The following ATP2C1 variants were observed in gnomAD, a reference collection of about 807,000 sequenced individuals.
ATP2C1 encodes the protein ATPase secretory pathway Ca2+ transporting 1, also known as calcium-transporting ATPase type 2C member 1.
Under a neutral mutation model 120.5 loss-of-function variants are expected in ATP2C1, and 31 were observed. The ratio of observed to expected loss-of-function variants is 0.26; its 90% CI spans 0.19 to 0.35. The LOEUF is 0.35. Ranked by LOEUF, ATP2C1 falls within the 10% of genes least tolerant of loss-of-function variation. ATP2C1 has a pLI of 1.00. For synonymous variants in ATP2C1, 351 were observed against 358.7 expected, an observed-to-expected ratio of 0.98 and a Z score of 0.24; for missense variants, 731 against 1,107.5, an observed-to-expected ratio of 0.66 and a Z score of 4.83.
intron 17 of ATP2C1, among the ~76,000 whole-genome samples, chr3:130,971,181 G>A (rs895997749): frequency 1.3e-5 from 2 of 152,042 alleles, no homozygotes; most frequent in Non-Finnish European, 2.9e-5. Flanking sequence ...ACCATCACAC[G>A]GTACCTCAAG....
chr3:130,857,901 G>A (rs188241307), intron 1 of ATP2C1, among the ~76,000 whole-genome samples: 17 of 152,286 alleles, frequency 1.1e-4, no homozygotes, highest in African/African-American at 3.1e-4. Context: ...GTCAGTCTGA[G>A]TCTCAAAACC....
At chr3:130,923,249 C>CA (rs987847948) in intron 2 of ATP2C1, among the ~76,000 whole-genome samples, 2 of 150,928 alleles carry the variant, frequency 1.3e-5, no homozygotes, top group Non-Finnish European at 3.0e-5. Flanking sequence ...TTGTTGGAGA[C>CA]AGAGTCTTGC....
At chr3:130,865,723 T>C (rs2068153760) in intron 1 of ATP2C1, among the ~76,000 whole-genome samples, 1 of 152,218 alleles carries the variant, frequency 6.6e-6, no homozygotes, top group Non-Finnish European at 1.5e-5. Flanking sequence ...TGCCACCATG[T>C]AAGAAGTGCC....
At chr3:130,956,914 TA>T (rs1195252196) in intron 11 of ATP2C1, among the ~76,000 whole-genome samples, 2 of 152,234 alleles carry the variant, frequency 1.3e-5, no homozygotes, top group Non-Finnish European at 2.9e-5. Context: ...CTTAGATTGA[TA>T]AAAGCTTTTT....
chr3:130,941,264 GTC>G (rs1257481040), intron 7 of ATP2C1, among the ~76,000 whole-genome samples: 108 of 143,856 alleles, frequency 7.5e-4, no homozygotes, highest in African/African-American at 2.0e-3. Context: ...GTGTGTGTGT[GTC>G]TGTGTGTGTG....
chr3:130,923,229 C>CT (rs954421675), intron 2 of ATP2C1, among the ~76,000 whole-genome samples: 44 of 144,998 alleles, frequency 3.0e-4, no homozygotes, highest in East Asian at 6.0e-4. Flanking sequence ...CTTTGTCTTT[C>CT]TTTTTTTTTT....
chr3:130,979,449 G>C lies in ATP2C1; in HGVS notation c.1741+30G>C, dbSNP rs371382509. The C allele has an allele frequency of 2.1e-5, 34 of 1,608,806 alleles. No homozygotes were observed. The South Asian group carries it at 3.3e-4, about 16-fold the overall frequency. On this transcript the variant is annotated intron_variant, in intron 19 of 27. Transcript: ENST00000510168. ...AACTAGACTGCTTTCTTTTGTTTTC[G>C]ATAGTTTTTCTTAAAATACTGTGGT... is the stretch of plus-strand genomic sequence containing the variant.
downstream of ATP2C1, among the ~76,000 whole-genome samples, chr3:131,003,445 T>C (rs2062983968): frequency 6.6e-6 from 1 of 152,350 alleles, no homozygotes; most frequent in African/African-American, 2.4e-5. Context: ...TGTTTTTCCC[T>C]GTTAGACTAC....
At chr3:130,905,320 A>G (rs967563348) in intron 2 of ATP2C1, among the ~76,000 whole-genome samples, 1 of 152,076 alleles carries the variant, frequency 6.6e-6, no homozygotes, top group Non-Finnish European at 1.5e-5. Context: ...TGATGCTGCC[A>G]GTTCTGTTCT....
chr3:130,953,113 G>A (rs376424628), intron 8 of ATP2C1, among the ~76,000 whole-genome samples: 1 of 142,768 alleles, frequency 7.0e-6, no homozygotes, highest in East Asian at 2.0e-4. Context: ...ATGTATGTAT[G>A]TATATATGTA....
intron 16 of ATP2C1, 42 bp downstream of exon 16, chr3:130,967,461 C>A: frequency 6.7e-7 from 1 of 1,501,990 alleles, no homozygotes; most frequent in Non-Finnish European, 9.3e-7. Flanking sequence ...TGAGACACTG[C>A]CCTCACAACA....
At chr3:130,996,386 T>C in intron 23 of ATP2C1, 1 of 571,962 alleles carries the variant, frequency 1.7e-6, no homozygotes, top group Non-Finnish European at 3.1e-6. Flanking sequence ...TTGGTATCTT[T>C]TTCCAAAAGT....
chr3:130,957,424 T>C (rs189549176), intron 11 of ATP2C1, among the ~76,000 whole-genome samples: 29 of 152,164 alleles, frequency 1.9e-4, no homozygotes, highest in Admixed American at 1.7e-3. Context: ...CAGTCTTTAT[T>C]CATTGGATTG....
chr3:130,899,070 T>G (rs1318470637), intron 2 of ATP2C1, among the ~76,000 whole-genome samples: 1 of 152,156 alleles, frequency 6.6e-6, no homozygotes, highest in Non-Finnish European at 1.5e-5. Context: ...CAGTAAAGGG[T>G]GCATCCTGAG....
At chr3:130,950,796 T>G (rs1384156565) in intron 8 of ATP2C1, among the ~76,000 whole-genome samples, 1 of 152,096 alleles carries the variant, frequency 6.6e-6, no homozygotes, top group Non-Finnish European at 1.5e-5. Context: ...AAGTGATTGT[T>G]GTTCTGAGGC....
At chr3:130,876,343 T>G (rs2068603976) in intron 1 of ATP2C1, among the ~76,000 whole-genome samples, 1 of 152,160 alleles carries the variant, frequency 6.6e-6, no homozygotes. Flanking sequence ...TTCTTTAATA[T>G]GAATATCCAG....
intron 10 of ATP2C1, 122 bp from the exon 11 acceptor site, chr3:130,955,982 T>C: frequency 1.4e-6 from 1 of 719,068 alleles, no homozygotes; most frequent in East Asian, 2.6e-5. Context: ...TTATTTACCT[T>C]ATGGGAGAGT....
At chr3:131,005,440 G>A (rs1350698093), downstream of ATP2C1, among the ~76,000 whole-genome samples, 2 of 152,182 alleles carry the variant, frequency 1.3e-5, no homozygotes, top group Non-Finnish European at 2.9e-5. Flanking sequence ...CTGAGAGATA[G>A]CATTGACATG....
intron 1 of ATP2C1, among the ~76,000 whole-genome samples, chr3:130,855,249 T>C (rs2067799072): frequency 6.6e-6 from 1 of 152,234 alleles, no homozygotes; most frequent in African/African-American, 2.4e-5. Context: ...CTGCTTTAAA[T>C]GAAAATCTTA....
Sources: allele counts gnomAD v4.1 joint callset (sites outside exome capture counted in the v4.1 genomes callset), GRCh38; gene constraint gnomAD v4.1.1; transcripts MANE v1.5; gene names NCBI Gene and HGNC (gene_info 2026-07-23, HGNC 2026-07-21).